Variants in KCNN3 observed in about 807,000 individuals in gnomAD.
KCNN3 encodes small conductance calcium-activated potassium channel protein 3.
A neutral mutation model predicts 62.9 loss-of-function variants in KCNN3; 16 were observed. The observed-to-expected ratio is 0.25, with a 90% confidence interval of 0.17 to 0.39. The LOEUF is 0.39. Ranked by LOEUF, KCNN3 falls within the 10% of genes least tolerant of loss-of-function variation. The pLI is 1.00. For missense variants in KCNN3, 599 were observed against 949.4 expected, an observed-to-expected ratio of 0.63 and a Z score of 4.85; for synonymous variants, 370 against 389.2, an observed-to-expected ratio of 0.95 and a Z score of 0.58.
At position 154,792,970 on chromosome 1, in the gene KCNN3, A is replaced by T. The variant is rs560586962; in HGVS notation, c.1030-20577T>A. On this transcript the variant is annotated intron_variant, in intron 2 of 7. Transcript: ENST00000271915. ...TCCCCACCCTTTTCATTTCCCAGCC[A>T]GAGAAAGGGGAGTTCCTTTAGTTGT... is the stretch of plus-strand genomic sequence containing the variant. Among the ~76,000 whole-genome samples the T allele has an allele frequency of 3.3e-5, 5 of 152,274 alleles. No individual in the cohort carries two copies. The East Asian group carries it at 9.6e-4, about 29-fold the overall frequency.
chr1:154,824,945 C>T (rs1004431028), intron 1 of KCNN3, among the ~76,000 whole-genome samples: 4 of 152,200 alleles, frequency 2.6e-5, no homozygotes, highest in Admixed American at 6.5e-5. Flanking sequence ...CTCTCGATAT[C>T]TTACAGATTT....
At chr1:154,784,404 C>A (rs1186770567) in intron 2 of KCNN3, among the ~76,000 whole-genome samples, 1 of 152,216 alleles carries the variant, frequency 6.6e-6, no homozygotes, top group African/African-American at 2.4e-5. Flanking sequence ...CTCATCCCAG[C>A]TAAACCAAGT....
chr1:154,727,669 C>T (rs1700499717), intron 4 of KCNN3, among the ~76,000 whole-genome samples: 1 of 152,214 alleles, frequency 6.6e-6, no homozygotes, highest in Non-Finnish European at 1.5e-5. Flanking sequence ...TCGAGGACGG[C>T]TGTGTTTTTT....
chr1:154,868,808 A>C (rs1206687438), intron 1 of KCNN3, among the ~76,000 whole-genome samples: 1 of 151,890 alleles, frequency 6.6e-6, no homozygotes, highest in East Asian at 1.9e-4. Context: ...AAGAAGGAAA[A>C]CCACGGGAAG....
chr1:154,766,434 A>ATATATATATATATATATATATATATATC (rs1648286835), intron 3 of KCNN3, among the ~76,000 whole-genome samples: 1 of 125,720 alleles, frequency 8.0e-6, no homozygotes, highest in Non-Finnish European at 1.7e-5. Context: ...ATATATATAT[A>ATATATATATATATATATATATATATATC]TATATATATG....
At chr1:154,758,715 C>T (rs1647856298) in intron 3 of KCNN3, among the ~76,000 whole-genome samples, 1 of 152,218 alleles carries the variant, frequency 6.6e-6, no homozygotes, top group Admixed American at 6.5e-5. Context: ...CATATTCCCT[C>T]TCAGCTCAGC....
chr1:154,768,858 C>T lies in KCNN3; in HGVS notation c.1448+3117G>A, dbSNP rs1648415456. Among the ~76,000 whole-genome samples, 4 of 152,126 alleles carry T rather than the reference C, an allele frequency of 2.6e-5. No individual in the cohort carries two copies. The South Asian group carries it at 8.3e-4, about 32-fold the overall frequency. On this transcript the variant is annotated intron_variant, in intron 3 of 7. Transcript: ENST00000271915. ...CCATAGGCAGCAGAGGCAGAGAAAA[C>T]AGCAAGACTGGGATTCACATGTTAG...
intron 2 of KCNN3, among the ~76,000 whole-genome samples, chr1:154,784,147 A>T (rs1571272690): frequency 1.3e-5 from 2 of 151,892 alleles, no homozygotes; most frequent in African/African-American, 4.8e-5. Flanking sequence ...AGGCCAAGTG[A>T]CCCCGGCCAA....
At chr1:154,765,074 G>A (rs1648197207) in intron 3 of KCNN3, among the ~76,000 whole-genome samples, 1 of 152,116 alleles carries the variant, frequency 6.6e-6, no homozygotes, top group African/African-American at 2.4e-5. Flanking sequence ...GTGCCTCTAG[G>A]ATTGTTTCAC....
intron 2 of KCNN3, among the ~76,000 whole-genome samples, chr1:154,780,258 T>A (rs1360824137): frequency 6.7e-6 from 1 of 148,350 alleles, no homozygotes; most frequent in African/African-American, 2.5e-5. Flanking sequence ...TTCACTCGTT[T>A]TTCCCCCCAT....
chr1:154,735,753 C>A (rs997347356), intron 3 of KCNN3, among the ~76,000 whole-genome samples: 5 of 152,226 alleles, frequency 3.3e-5, no homozygotes, highest in African/African-American at 1.2e-4. Context: ...CAGGTCAATG[C>A]AACCCCTCCC....
In KCNN3 at chr1:154,782,511, C is replaced by T. The variant is rs1349342818; in HGVS notation, c.1030-10118G>A. On this transcript the variant is annotated intron_variant, in intron 2 of 7. Transcript: ENST00000271915. Reference sequence around the variant, plus strand: ...TTTCTCTTCTCCTAGAGCTGCAGTCCTATAGGACTAGACCTCATCCTTATG... The same window carrying T: ...TTTCTCTTCTCCTAGAGCTGCAGTCTTATAGGACTAGACCTCATCCTTATG... Among the ~76,000 whole-genome samples, 5 of 152,162 alleles carry T rather than the reference C, an allele frequency of 3.3e-5. No homozygotes were observed. In the East Asian group the frequency reaches 9.6e-4, roughly 29 times the overall value.
rs981916358 is a variant in KCNN3, at chr1:154,700,235, A to G, written c.*7741T>C. The G allele has an allele frequency of 3.3e-5, 5 of 152,228 alleles. No individual in the cohort carries two copies. Among genetic ancestry groups the G allele is most frequent in the Admixed American group, 6.5e-5 (1 of 15,278 alleles). The allele number at this position is 152,228 out of a possible 1,614,324, so 9.4% of individuals were successfully genotyped here. A position where few individuals can be genotyped will look rare whatever the true frequency, so the allele number is the denominator to read the frequency against. ...CACCTGGGGATTTGTTAAAAGGCCA[A>G]TTCTGATGAAGAAGGTTTGATGTGG... On this transcript the variant is annotated 3_prime_UTR_variant, in exon 8 of 8. Transcript: ENST00000271915.
chr1:154,832,506 T>G (rs1651414450), intron 1 of KCNN3, among the ~76,000 whole-genome samples: 1 of 152,064 alleles, frequency 6.6e-6, no homozygotes, highest in South Asian at 2.1e-4. Flanking sequence ...CGCTGGTCAA[T>G]TTGCCATCAC....
rs140888348 is a variant in KCNN3 at position 154,847,691 on chromosome 1, A to C, written c.933+21341T>G. On this transcript the variant is annotated intron_variant, in intron 1 of 7. Coordinates refer to ENST00000271915, the MANE Select transcript of KCNN3 (RefSeq NM_002249.6). ...ATTCCAACTGCTTCCCAAGTCTTCAACTCCTTTAAAGGCAAGGAGGTCTTG... is the reference window on the plus strand; with the variant it reads ...ATTCCAACTGCTTCCCAAGTCTTCACCTCCTTTAAAGGCAAGGAGGTCTTG... Among the ~76,000 whole-genome samples the C allele has an allele frequency of 1.2e-3, 183 of 152,114 alleles. 1 individual carries two copies. Among genetic ancestry groups the C allele is most frequent in the African/African-American group, 4.1e-3 (168 of 41,464 alleles).
intron 1 of KCNN3, among the ~76,000 whole-genome samples, chr1:154,823,279 G>C (rs1316846172): frequency 1.3e-5 from 2 of 152,166 alleles, no homozygotes; most frequent in Non-Finnish European, 2.9e-5. Context: ...CAGCAGATGA[G>C]ATCCAGGAAG....
At position 154,776,168 on chromosome 1, in the gene KCNN3, A is replaced by C. The variant is rs757055964; in HGVS notation, c.1030-3775T>G. Among the ~76,000 whole-genome samples the C allele has an allele frequency of 4.9e-4, 74 of 152,000 alleles. 1 individual carries two copies. Among genetic ancestry groups the C allele is most frequent in the East Asian group, 1.9e-3 (10 of 5,156 alleles). On this transcript the variant is annotated intron_variant, in intron 2 of 7. Coordinates refer to ENST00000271915, the MANE Select transcript of KCNN3 (RefSeq NM_002249.6). ...GGGGTAGTGGAGCTGGAGGTGGGAGAGCTAGCCTGAAGTCCCCCACATCCA... is the reference window on the plus strand; with the variant it reads ...GGGGTAGTGGAGCTGGAGGTGGGAGCGCTAGCCTGAAGTCCCCCACATCCA...
At chr1:154,754,804 T>G (rs1342208677) in intron 3 of KCNN3, among the ~76,000 whole-genome samples, 1 of 152,228 alleles carries the variant, frequency 6.6e-6, no homozygotes, top group Non-Finnish European at 1.5e-5. Context: ...GTTTAAGCTA[T>G]TGTTGTTTTG....
intron 1 of KCNN3, among the ~76,000 whole-genome samples, chr1:154,867,241 C>T (rs186357569): frequency 6.6e-6 from 1 of 152,134 alleles, no homozygotes; most frequent in African/African-American, 2.4e-5. Context: ...GCAGGAGAGG[C>T]GGTTCTGAGA....
Sources: allele counts gnomAD v4.1 joint callset (sites outside exome capture counted in the v4.1 genomes callset), GRCh38; gene constraint gnomAD v4.1.1; transcripts MANE v1.5; gene names NCBI Gene and HGNC (gene_info 2026-07-23, HGNC 2026-07-21).